The following BMERB1 variants were observed in gnomAD, a reference collection of about 807,000 sequenced individuals.
BMERB1 encodes bMERB domain-containing protein 1.
Under a neutral mutation model 23.6 loss-of-function variants are expected in BMERB1, and 12 were observed. That is an observed-to-expected ratio of 0.51 (90% CI 0.33 to 0.82). BMERB1 has a LOEUF of 0.82. BMERB1 is among the 40% of genes least tolerant of loss of function. The pLI, the probability that BMERB1 is intolerant of heterozygous loss-of-function variation, is 0.03. For missense variants in BMERB1, 247 were observed against 255.4 expected (o/e 0.97, Z 0.22); for synonymous variants, 122 against 96.6 (o/e 1.26, Z -1.54).
At chr16:15,521,040 C>T (rs1285239053) in intron 2 of BMERB1, among the ~76,000 whole-genome samples, 1 of 152,088 alleles carries the variant, frequency 6.6e-6, no homozygotes, top group Non-Finnish European at 1.5e-5. Flanking sequence ...TCCCGAGTTC[C>T]TGTTTTCTTA....
At chr16:15,571,398 C>T (rs1335968212) in intron 3 of BMERB1, among the ~76,000 whole-genome samples, 1 of 151,826 alleles carries the variant, frequency 6.6e-6, no homozygotes, top group Non-Finnish European at 1.5e-5. Flanking sequence ...CGCTCTGTCC[C>T]CCAGGCTGGA....
intron 1 of BMERB1, among the ~76,000 whole-genome samples, chr16:15,458,847 C>G (rs2051111041): frequency 6.6e-6 from 1 of 151,316 alleles, no homozygotes; most frequent in Non-Finnish European, 1.5e-5. Flanking sequence ...TGGCTCACGC[C>G]TGTAATCCCA....
At position 15,504,848 on chromosome 16, in the gene BMERB1, C is replaced by T. The variant is rs117077355; in HGVS notation, c.107-10457C>T. Among the ~76,000 whole-genome samples the T allele has an allele frequency of 1.2e-3, 186 of 152,092 alleles. No homozygotes were observed. The East Asian group carries it at 0.034, about 28-fold the overall frequency. On this transcript the variant is annotated intron_variant, in intron 1 of 5. Coordinates refer to ENST00000300006, the MANE Select transcript of BMERB1 (RefSeq NM_033201.3). ...ATATTAGGTGAAAGTTGATTCTCCCCCAACACTGACTCCCCCTACCTGAGT... is the reference window on the plus strand; with the variant it reads ...ATATTAGGTGAAAGTTGATTCTCCCTCAACACTGACTCCCCCTACCTGAGT...
At chr16:15,465,346 G>GGT (rs2051171659) in intron 1 of BMERB1, among the ~76,000 whole-genome samples, 2 of 116,926 alleles carry the variant, frequency 1.7e-5, no homozygotes, top group Non-Finnish European at 3.8e-5. Flanking sequence ...TCAATGCTAA[G>GGT]ATATATATTT....
chr16:15,474,119 CA>C (rs71152434), intron 1 of BMERB1, among the ~76,000 whole-genome samples: 38,573 of 91,618 alleles, frequency 0.42, 5,292 homozygotes, highest in East Asian at 0.58. Context: ...GACTCTGTCT[CA>C]AAAAAAAAAA....
chr16:15,483,213 T>C (rs1011900683), intron 1 of BMERB1, among the ~76,000 whole-genome samples: 5 of 152,152 alleles, frequency 3.3e-5, no homozygotes, highest in South Asian at 2.1e-4. Context: ...TCCACTGTTA[T>C]AAAGGTTGCT....
intron 1 of BMERB1, among the ~76,000 whole-genome samples, chr16:15,488,514 A>G (rs1276807969): frequency 6.6e-6 from 1 of 151,968 alleles, no homozygotes; most frequent in Non-Finnish European, 1.5e-5. Flanking sequence ...GCTGCTTCTC[A>G]TCATGCGTTT....
chr16:15,436,811 T>C (rs2050892654), intron 1 of BMERB1, among the ~76,000 whole-genome samples: 1 of 152,054 alleles, frequency 6.6e-6, no homozygotes, highest in Non-Finnish European at 1.5e-5. Context: ...TAGATGACCA[T>C]GTGCTGAGAA....
At chr16:15,574,374 A>T (rs1435117127) in intron 3 of BMERB1, among the ~76,000 whole-genome samples, 1 of 152,094 alleles carries the variant, frequency 6.6e-6, no homozygotes, top group African/African-American at 2.4e-5. Context: ...CGTATCACCT[A>T]CAAATGCAGT....
At position 15,587,636 on chromosome 16, in the gene BMERB1, TCCA is replaced by T. The variant is rs988123787; in HGVS notation, c.*811_*813del. On this transcript the variant is annotated 3_prime_UTR_variant, in exon 6 of 6. Coordinates refer to ENST00000300006, the MANE Select transcript of BMERB1 (RefSeq NM_033201.3). ...CCAGAGTAGATGCTGACCTGGGCAC[TCCA>T]CCATTCCGGGGCCACCACAGAGATG... The T allele has an allele frequency of 2.4e-5, 9 of 371,024 alleles. No individual in the cohort carries two copies. In the Admixed American group the frequency reaches 2.6e-4, roughly 11 times the overall value. The allele number at this position is 371,024 out of a possible 1,614,324, so 23.0% of individuals were successfully genotyped here.
intron 1 of BMERB1, among the ~76,000 whole-genome samples, chr16:15,506,465 C>T (rs1187898031): frequency 6.6e-6 from 1 of 152,152 alleles, no homozygotes; most frequent in Non-Finnish European, 1.5e-5. Flanking sequence ...AGCCACTGTG[C>T]CCAGCCCCCT....
At chr16:15,463,435 A>G (rs2051153814) in intron 1 of BMERB1, among the ~76,000 whole-genome samples, 1 of 152,068 alleles carries the variant, frequency 6.6e-6, no homozygotes, top group African/African-American at 2.4e-5. Flanking sequence ...CTGTTATCAC[A>G]GAAGTGTGGT....
intron 2 of BMERB1, among the ~76,000 whole-genome samples, chr16:15,516,334 C>T (rs974185239): frequency 3.3e-5 from 5 of 151,906 alleles, no homozygotes; most frequent in African/African-American, 9.7e-5. Context: ...GTGGGGGGAT[C>T]GGTTTAGCCC....
intron 5 of BMERB1, among the ~76,000 whole-genome samples, chr16:15,585,785 C>T (rs2031125691): frequency 6.6e-6 from 1 of 152,092 alleles, no homozygotes; most frequent in Non-Finnish European, 1.5e-5. Flanking sequence ...GCCAAGATCA[C>T]ACCACTGCAC....
chr16:15,469,337 T>A (rs2051210248), intron 1 of BMERB1, among the ~76,000 whole-genome samples: 1 of 152,182 alleles, frequency 6.6e-6, no homozygotes, highest in African/African-American at 2.4e-5. Context: ...TTCTGTTCCC[T>A]CAATCTATAT....
chr16:15,466,169 A>G (rs764605805), intron 1 of BMERB1, among the ~76,000 whole-genome samples: 1 of 152,188 alleles, frequency 6.6e-6, no homozygotes, highest in Non-Finnish European at 1.5e-5. Flanking sequence ...TTGCTATCCA[A>G]CTGTGACTCT....
At chr16:15,488,816 T>A (rs1338028757) in intron 1 of BMERB1, among the ~76,000 whole-genome samples, 1 of 117,188 alleles carries the variant, frequency 8.5e-6, no homozygotes, top group East Asian at 2.5e-4. Flanking sequence ...AGACTCCGTC[T>A]CAAAAAAAAA....
rs957505943 is a variant in BMERB1, at chr16:15,434,598, C to G, written c.-56C>G. The G allele has an allele frequency of 6.5e-7, 1 of 1,531,568 alleles. No homozygotes were observed. The highest frequency in any genetic ancestry group is 1.4e-5 in the African/African-American group (1 of 73,356). 94.9% of individuals were successfully genotyped at this position (1,531,568 alleles called of 1,614,324 possible). A position where few individuals can be genotyped will look rare whatever the true frequency, so the allele number is the denominator to read the frequency against. On this transcript the variant is annotated 5_prime_UTR_variant, in exon 1 of 6. Transcript: ENST00000300006. ...GCTGGAGCCACCTCCCTCCCTGCAG[C>G]CCGCAACGGGAATGGAGTAAAGGGA...
chr16:15,569,353 C>T (rs748812086), intron 3 of BMERB1, among the ~76,000 whole-genome samples: 5 of 152,102 alleles, frequency 3.3e-5, no homozygotes, highest in Non-Finnish European at 5.9e-5. Context: ...ATAATCATGG[C>T]GGAAGACAAG....
Sources: gnomAD v4.1 joint callset for allele counts (sites outside exome capture counted in the v4.1 genomes callset) on GRCh38, gnomAD v4.1.1 for gene constraint, MANE v1.5 for transcripts, NCBI Gene and HGNC (gene_info 2026-07-23, HGNC 2026-07-21) for gene names.